The following EDIL3 variants were observed in gnomAD, a reference collection of about 807,000 sequenced individuals.
EDIL3 encodes EGF-like repeat and discoidin I-like domain-containing protein 3.
A neutral mutation model predicts 67.4 loss-of-function variants in EDIL3; 37 were observed. The observed-to-expected ratio is 0.55, with a 90% CI of 0.42 to 0.72. The LOEUF (loss-of-function observed/expected upper bound fraction) is 0.72, where lower values mean the gene tolerates loss of function less well. EDIL3 is among the 30% of genes least tolerant of loss of function. The probability of loss-of-function intolerance (pLI) is 0.00; values close to 1 mark genes in which losing one functional copy is unlikely to be tolerated. For missense variants in EDIL3, 527 were observed against 586.3 expected, an observed-to-expected ratio of 0.90 and a Z score of 1.04; for synonymous variants, 195 against 196.3, an observed-to-expected ratio of 0.99 and a Z score of 0.05.
chr5:84,205,626 C>T (rs1024198952), intron 3 of EDIL3, among the ~76,000 whole-genome samples: 8 of 151,892 alleles, frequency 5.3e-5, no homozygotes, highest in Non-Finnish European at 1.2e-4. Flanking sequence ...CAACTTCTTC[C>T]TGGTTTAGTC....
intron 6 of EDIL3, among the ~76,000 whole-genome samples, chr5:84,092,698 C>A (rs896396913): frequency 8.6e-5 from 13 of 152,036 alleles, no homozygotes; most frequent in Admixed American, 6.6e-5. Flanking sequence ...AACAATATTA[C>A]ATCTAAAGTT....
intron 1 of EDIL3, among the ~76,000 whole-genome samples, chr5:84,276,422 T>C (rs1389458096): frequency 1.3e-5 from 2 of 152,214 alleles, no homozygotes; most frequent in East Asian, 1.9e-4. Context: ...TTTCTCCATA[T>C]ACAGTACTTA....
In EDIL3 at chr5:84,025,804, A is replaced by G. The variant is rs145828444; in HGVS notation, c.1137+34496T>C. Among the ~76,000 whole-genome samples the G allele has an allele frequency of 2.1e-3, 321 of 152,322 alleles. 3 individuals are homozygous for G. Among genetic ancestry groups the G allele is most frequent in the African/African-American group, 7.4e-3 (308 of 41,580 alleles). ...ATGTAATATGATTATATGTAATAGG[A>G]TATTATTTTAGGGATACTCTAAAAC... On this transcript the variant is annotated intron_variant, in intron 9 of 10. Coordinates refer to ENST00000296591, the MANE Select transcript of EDIL3 (RefSeq NM_005711.5).
intron 1 of EDIL3, among the ~76,000 whole-genome samples, chr5:84,344,722 T>C (rs1747202263): frequency 6.6e-6 from 1 of 151,740 alleles, no homozygotes; most frequent in Non-Finnish European, 1.5e-5. Flanking sequence ...TTAAATAAAA[T>C]ATGTTTTTAA....
chr5:84,251,656 A>G (rs1479469294), intron 2 of EDIL3, among the ~76,000 whole-genome samples: 1 of 152,154 alleles, frequency 6.6e-6, no homozygotes, highest in Admixed American at 6.5e-5. Flanking sequence ...ATAAATAGGT[A>G]TTGAACTTGA....
intron 1 of EDIL3, among the ~76,000 whole-genome samples, chr5:84,333,652 A>G (rs985723609): frequency 6.6e-6 from 1 of 152,160 alleles, no homozygotes; most frequent in African/African-American, 2.4e-5. Flanking sequence ...ATTAGACTAA[A>G]AGGCCTTAAA....
At chr5:84,318,404 C>T (rs1390737113) in intron 1 of EDIL3, among the ~76,000 whole-genome samples, 6 of 152,126 alleles carry the variant, frequency 3.9e-5, no homozygotes, top group African/African-American at 1.4e-4. Context: ...TGACTTCAAT[C>T]TATACTACAA....
chr5:84,252,999 A>G (rs185173870), intron 2 of EDIL3, among the ~76,000 whole-genome samples: 58 of 152,278 alleles, frequency 3.8e-4, no homozygotes, highest in Non-Finnish European at 7.1e-4. Context: ...AAAATTCATT[A>G]AAAAAATAAA....
At chr5:84,340,313 G>A (rs1159818628) in intron 1 of EDIL3, among the ~76,000 whole-genome samples, 1 of 151,598 alleles carries the variant, frequency 6.6e-6, no homozygotes, top group Non-Finnish European at 1.5e-5. Context: ...TATAAGCTCT[G>A]CTACCTTGAA....
At chr5:84,107,903 A>T (rs955200972) in intron 5 of EDIL3, among the ~76,000 whole-genome samples, 1 of 151,044 alleles carries the variant, frequency 6.6e-6, no homozygotes, top group African/African-American at 2.4e-5. Flanking sequence ...AACATTTCAT[A>T]TACTATACTG....
At chr5:84,276,574 A>AT (rs556838125) in intron 1 of EDIL3, among the ~76,000 whole-genome samples, 6 of 151,440 alleles carry the variant, frequency 4.0e-5, no homozygotes, top group African/African-American at 7.3e-5. Context: ...TTATATACTT[A>AT]TTTTTTTTAA....
chr5:84,090,609 A>C (rs995896666), intron 6 of EDIL3, among the ~76,000 whole-genome samples: 3 of 152,092 alleles, frequency 2.0e-5, no homozygotes, highest in African/African-American at 7.2e-5. Flanking sequence ...AAATTTGAGA[A>C]CCATTGCCCC....
chr5:84,367,290 A>G (rs1747758846), intron 1 of EDIL3, among the ~76,000 whole-genome samples: 1 of 151,284 alleles, frequency 6.6e-6, no homozygotes, highest in Admixed American at 6.6e-5. Flanking sequence ...TTTTTTTTTG[A>G]GACAGGGTCT....
chr5:84,180,426 G>A lies in EDIL3; in HGVS notation c.322C>T (p.Pro108Ser). ...DTFIGYVCKCPRGFNGIHCQH... is the reference protein window; with the variant it reads ...DTFIGYVCKCSRGFNGIHCQH... Reference sequence around the variant, plus strand: ...CAGTGAATCCCATTAAATCCTCGGGGACATTTACAAACATAGCCTATGAAT... The same window carrying A: ...CAGTGAATCCCATTAAATCCTCGGGAACATTTACAAACATAGCCTATGAAT... The change falls in exon 4 of 11, where the codon CCC becomes TCC. Residue 108 changes from proline (P) to serine (S), a missense_variant. Physicochemically the swap from Pro to Ser is moderately conservative, Grantham distance 74. Around this residue, in one of 2 missense-constraint regions of EDIL3, gnomAD observed 494 missense variants for 522.5 expected, o/e 0.95. Transcript: ENST00000296591. 1.2e-6 allele frequency: 2 copies of A among 1,605,014 alleles called. No homozygotes were observed. The highest frequency in any genetic ancestry group is 1.7e-6 in the Non-Finnish European group (2 of 1,176,092).
intron 4 of EDIL3, among the ~76,000 whole-genome samples, chr5:84,152,286 A>G (rs1460492989): frequency 6.6e-6 from 1 of 152,250 alleles, no homozygotes; most frequent in African/African-American, 2.4e-5. Flanking sequence ...GGAGATTTTC[A>G]TTATTAATTT....
chr5:83,944,635 C>A (rs1404477209), intron 10 of EDIL3, among the ~76,000 whole-genome samples: 2 of 151,654 alleles, frequency 1.3e-5, no homozygotes, highest in Non-Finnish European at 1.5e-5. Context: ...CTGAACATTT[C>A]TTATTAAAGT....
At chr5:84,242,344 G>C (rs1395407814) in intron 2 of EDIL3, among the ~76,000 whole-genome samples, 2 of 152,114 alleles carry the variant, frequency 1.3e-5, no homozygotes, top group East Asian at 1.9e-4. Flanking sequence ...CAAAGTCACA[G>C]ACTTAGCAAA....
intron 9 of EDIL3, among the ~76,000 whole-genome samples, chr5:84,014,510 T>C (rs1745566411): frequency 6.6e-6 from 1 of 152,110 alleles, no homozygotes; most frequent in Non-Finnish European, 1.5e-5. Flanking sequence ...CCAGGCATGA[T>C]GACACGCGCC....
intron 3 of EDIL3, among the ~76,000 whole-genome samples, chr5:84,189,135 T>G (rs1182395177): frequency 6.6e-6 from 1 of 152,002 alleles, no homozygotes; most frequent in Non-Finnish European, 1.5e-5. Context: ...CTAAAATTAA[T>G]TTTACTTGGT....
Sources: allele counts gnomAD v4.1 joint callset (sites outside exome capture counted in the v4.1 genomes callset), GRCh38; gene constraint gnomAD v4.1.1; regional missense constraint gnomAD v4.1.1; transcripts MANE v1.5; gene names NCBI Gene and HGNC (gene_info 2026-07-23, HGNC 2026-07-21).